Variants in NXPE2 observed in about 807,000 individuals in gnomAD.
NXPE2 encodes the protein NXPE family member 2.
NXPE2 carries 34 observed loss-of-function variants against 34.4 expected under a neutral mutation model. The observed-to-expected ratio is 0.99, with a 90% CI of 0.75 to 1.31. The LOEUF is 1.31. Among genes scored for constraint, NXPE2 ranks in the 40% most tolerant of loss-of-function variants. NXPE2 has a pLI of 0.00. For missense variants in NXPE2, 649 were observed against 672.5 expected, an observed-to-expected ratio of 0.97 and a Z score of 0.39; for synonymous variants, 235 against 231.3, an observed-to-expected ratio of 1.02 and a Z score of -0.15.
chr11:114,525,910 A>G, the NXPE2 span, among the ~76,000 whole-genome samples: 1 of 152,168 alleles, frequency 6.6e-6, no homozygotes, highest in Non-Finnish European at 1.5e-5. Context: ...TATTCCATCC[A>G]TTGGTCTCTC....
At chr11:114,745,644 C>A in the NXPE2 span, among the ~76,000 whole-genome samples, 2 of 151,928 alleles carry the variant, frequency 1.3e-5, no homozygotes, top group Admixed American at 6.6e-5. Context: ...AGAAAAATTT[C>A]TTTGGGGAAT....
At chr11:114,487,797 T>C in the NXPE2 span, among the ~76,000 whole-genome samples, 3 of 149,060 alleles carry the variant, frequency 2.0e-5, no homozygotes, top group Admixed American at 6.6e-5. Flanking sequence ...GTATGTGATA[T>C]GATATATCAC....
the NXPE2 span, among the ~76,000 whole-genome samples, chr11:114,472,132 T>C: frequency 6.6e-6 from 1 of 152,340 alleles, no homozygotes; most frequent in South Asian, 2.1e-4. Flanking sequence ...ATACAGAGTC[T>C]GTGTGCAAAT....
the NXPE2 span, among the ~76,000 whole-genome samples, chr11:114,629,478 T>G: frequency 0.074 from 10,897 of 147,126 alleles, 513 homozygotes; most frequent in Middle Eastern, 0.17. Context: ...CAACCCTTCA[T>G]GCTAAAAACT....
chr11:114,639,909 A>T, the NXPE2 span, among the ~76,000 whole-genome samples: 12 of 116,768 alleles, frequency 1.0e-4, no homozygotes, highest in South Asian at 2.5e-4. Context: ...TTAAATATAA[A>T]ATATAATATT....
the NXPE2 span, among the ~76,000 whole-genome samples, chr11:114,671,036 A>AAT: frequency 1.0e-3 from 148 of 148,152 alleles, no homozygotes; most frequent in Admixed American, 2.2e-3. Flanking sequence ...AATAAGGACA[A>AAT]ATATATATAT....
chr11:114,544,430 ATAT>A, the NXPE2 span, among the ~76,000 whole-genome samples: 2 of 152,204 alleles, frequency 1.3e-5, no homozygotes, highest in Non-Finnish European at 2.9e-5. Flanking sequence ...ATGCATACAA[ATAT>A]TATCAACTGA....
the NXPE2 span, among the ~76,000 whole-genome samples, chr11:114,468,389 T>A: frequency 6.6e-6 from 1 of 152,178 alleles, no homozygotes; most frequent in South Asian, 2.1e-4. Context: ...GCAATGGGGC[T>A]TCTGACATAC....
chr11:114,727,391 C>G, the NXPE2 span, among the ~76,000 whole-genome samples: 1 of 152,042 alleles, frequency 6.6e-6, no homozygotes, highest in Non-Finnish European at 1.5e-5. Context: ...CATGAGGGCT[C>G]TGTCCTCATG....
At chr11:114,588,172 T>A in the NXPE2 span, among the ~76,000 whole-genome samples, 5 of 152,112 alleles carry the variant, frequency 3.3e-5, no homozygotes, top group Non-Finnish European at 7.4e-5. Context: ...TCCAGGCCCT[T>A]CTTGTCCTCC....
chr11:114,538,319 A>G, the NXPE2 span, among the ~76,000 whole-genome samples: 1 of 152,372 alleles, frequency 6.6e-6, no homozygotes, highest in East Asian at 1.9e-4. Flanking sequence ...CTAAAACCAT[A>G]AAAACCCTAG....
At chr11:114,741,426 TC>T in the NXPE2 span, among the ~76,000 whole-genome samples, 1 of 152,114 alleles carries the variant, frequency 6.6e-6, no homozygotes, top group African/African-American at 2.4e-5. Flanking sequence ...CTTTTTCTCT[TC>T]TTTTGCTGAG....
the NXPE2 span, among the ~76,000 whole-genome samples, chr11:114,634,410 G>T: frequency 3.3e-5 from 5 of 151,840 alleles, no homozygotes; most frequent in Non-Finnish European, 7.4e-5. Context: ...CCATTTTGTA[G>T]GTTGCCTGTT....
At chr11:114,666,186 T>C in the NXPE2 span, among the ~76,000 whole-genome samples, 6 of 152,132 alleles carry the variant, frequency 3.9e-5, no homozygotes, top group Admixed American at 3.3e-4. Flanking sequence ...ATTTTCCCCA[T>C]TTTGCTTTTT....
chr11:114,698,064 A>G lies in NXPE2; in HGVS notation c.152A>G (p.Asn51Ser), dbSNP rs1951291898. The G allele has an allele frequency of 1.3e-6, 2 of 1,522,642 alleles. No homozygotes were observed. Among genetic ancestry groups the G allele is most frequent in the African/African-American group, 2.8e-5 (2 of 71,870 alleles). The allele number at this position is 1,522,642 out of a possible 1,614,324, so 94.3% of individuals were successfully genotyped here. The change falls in exon 3 of 6, where the codon AAC becomes AGC. Residue 51 changes from asparagine to serine, a missense_variant. By Grantham distance (46) the Asn-to-Ser change is conservative (BLOSUM62 1). Transcript: ENST00000389586. The stretch of plus-strand genomic sequence containing the variant: ...TTTCAGTTCTCGTTCAACTTGGAAA[A>G]CCATATTATCCTGAACCAAGGGAAC... ...DHTKFSFNLE[N>S]HIILNQGNIF...
chr11:114,485,978 T>G, the NXPE2 span, among the ~76,000 whole-genome samples: 4 of 152,326 alleles, frequency 2.6e-5, no homozygotes, highest in East Asian at 7.7e-4. Flanking sequence ...TTCTTTAATA[T>G]ACTGATTTCC....
chr11:114,522,765 C>T, the NXPE2 span: 27 of 744,676 alleles, frequency 3.6e-5, no homozygotes, highest in African/African-American at 4.1e-4. Context: ...GGTTCAAATC[C>T]AGAGAGCCAA....
chr11:114,530,439 G>A, the NXPE2 span: 47 of 1,614,184 alleles, frequency 2.9e-5, no homozygotes, highest in African/African-American at 2.4e-4. Flanking sequence ...CCAGAGAGCC[G>A]ACGCCCCTTC....
At chr11:114,641,442 C>T in the NXPE2 span, among the ~76,000 whole-genome samples, 1 of 151,972 alleles carries the variant, frequency 6.6e-6, no homozygotes, top group Middle Eastern at 3.4e-3. Context: ...AATGAAATTG[C>T]AAAATATTTG....
Sources: allele counts gnomAD v4.1 joint callset (sites outside exome capture counted in the v4.1 genomes callset), GRCh38; gene constraint gnomAD v4.1.1; transcripts MANE v1.5; gene names NCBI Gene and HGNC (gene_info 2026-07-23, HGNC 2026-07-21).